XKR4: variants seen among roughly 807,000 people sequenced by gnomAD.
XKR4 encodes the protein XK-related protein 4.
XKR4 carries 12 observed loss-of-function variants against 53.9 expected under a neutral mutation model. The observed-to-expected ratio is 0.22, with a 90% CI of 0.14 to 0.36. XKR4 has a LOEUF of 0.36. Ranked by LOEUF, XKR4 falls within the 10% of genes least tolerant of loss-of-function variation. The pLI is 1.00. For synonymous variants in XKR4, 354 were observed against 362.4 expected (o/e 0.98, Z 0.26); for missense variants, 799 against 859.5 (o/e 0.93, Z 0.88).
chr8:55,533,117 A>T lies in XKR4; in HGVS notation c.*8890A>T, dbSNP rs752571402. On this transcript the variant is annotated 3_prime_UTR_variant, in exon 3 of 3. Coordinates refer to ENST00000327381, the MANE Select transcript of XKR4 (RefSeq NM_052898.2). ...TGAAAATATAGTTTGAGTTTCTATG[A>T]TTGTAATCAAAATTCCTATTTTGAT... 2.0e-5 allele frequency: 3 copies of T among 152,224 alleles called. No homozygotes were observed. Among genetic ancestry groups the T allele is most frequent in the Non-Finnish European group, 4.4e-5 (3 of 68,040 alleles). The allele number at this position is 152,224 out of a possible 1,614,324, so 9.4% of individuals were successfully genotyped here. A position where few individuals can be genotyped will look rare whatever the true frequency, so the allele number is the denominator to read the frequency against.
At chr8:55,124,768 C>G (rs1816439219) in intron 1 of XKR4, among the ~76,000 whole-genome samples, 2 of 151,870 alleles carry the variant, frequency 1.3e-5, no homozygotes, top group Non-Finnish European at 2.9e-5. Flanking sequence ...GGCTGTAGAG[C>G]AGTGGCATAA....
At chr8:55,384,061 G>A (rs1002786876) in intron 2 of XKR4, among the ~76,000 whole-genome samples, 3 of 152,158 alleles carry the variant, frequency 2.0e-5, no homozygotes, top group South Asian at 2.1e-4. Context: ...ATCATTTTTG[G>A]ACACACAGAA....
intron 2 of XKR4, among the ~76,000 whole-genome samples, chr8:55,364,529 A>G (rs1348153482): frequency 6.6e-6 from 1 of 152,224 alleles, no homozygotes; most frequent in Non-Finnish European, 1.5e-5. Flanking sequence ...TGAGCTATGC[A>G]TTCTGCCAGA....
At chr8:55,157,082 C>G (rs981843040) in intron 1 of XKR4, among the ~76,000 whole-genome samples, 10 of 152,204 alleles carry the variant, frequency 6.6e-5, no homozygotes, top group African/African-American at 2.4e-4. Flanking sequence ...TAACAACTTT[C>G]CATGACCCAG....
At chr8:55,447,675 C>T (rs1347125743) in intron 2 of XKR4, among the ~76,000 whole-genome samples, 5 of 152,136 alleles carry the variant, frequency 3.3e-5, no homozygotes, top group African/African-American at 1.2e-4. Context: ...GAAAAGAAAC[C>T]GCTAATCACC....
rs1372081168 is a variant in XKR4 at position 55,449,515 on chromosome 8, G to A, written c.1007-73766G>A. The A allele has an allele frequency of 3.5e-6, 5 of 1,443,664 alleles. No homozygotes were observed. The East Asian group carries it at 7.0e-5, about 20-fold the overall frequency. The allele number at this position is 1,443,664 out of a possible 1,614,324, so 89.4% of individuals were successfully genotyped here. On this transcript the variant is annotated intron_variant, in intron 2 of 2. Coordinates refer to ENST00000327381, the MANE Select transcript of XKR4 (RefSeq NM_052898.2). ...CCAGGCAAGGTCGGGAGGCTCAGGC[G>A]TCCGACAGTCAGCTCTGGATCCGGT... is the stretch of plus-strand genomic sequence containing the variant.
At chr8:55,315,360 G>A (rs1223180664) in intron 1 of XKR4, among the ~76,000 whole-genome samples, 6 of 152,164 alleles carry the variant, frequency 3.9e-5, no homozygotes. Context: ...CTTGGTCAGT[G>A]TCCGTGAGGA....
At chr8:55,361,410 T>C (rs1185623331) in intron 2 of XKR4, among the ~76,000 whole-genome samples, 1 of 152,140 alleles carries the variant, frequency 6.6e-6, no homozygotes, top group Non-Finnish European at 1.5e-5. Context: ...TGCTGCTCTC[T>C]ACCTGTTTAG....
intron 2 of XKR4, among the ~76,000 whole-genome samples, chr8:55,476,465 C>T (rs1805986360): frequency 5.3e-5 from 8 of 152,140 alleles, no homozygotes. Flanking sequence ...CTCCAATCTA[C>T]AGCTCCCAGC....
chr8:55,241,619 AC>A (rs1231519022), intron 1 of XKR4, among the ~76,000 whole-genome samples: 2 of 152,114 alleles, frequency 1.3e-5, no homozygotes. Flanking sequence ...TTGGCTTCAT[AC>A]CTTTTTCTTT....
At chr8:55,380,830 A>T (rs1293318901) in intron 2 of XKR4, among the ~76,000 whole-genome samples, 2 of 152,276 alleles carry the variant, frequency 1.3e-5, no homozygotes. Flanking sequence ...TAATTCACGC[A>T]GTTGACCTAT....
intron 1 of XKR4, among the ~76,000 whole-genome samples, chr8:55,339,154 G>T (rs1393472691): frequency 2.6e-5 from 4 of 152,174 alleles, no homozygotes; most frequent in African/African-American, 9.7e-5. Flanking sequence ...GACTGGAAAC[G>T]CGAGGCTGTT....
chr8:55,232,437 A>G (rs115435371), intron 1 of XKR4, among the ~76,000 whole-genome samples: 1,713 of 152,348 alleles, frequency 0.011, 39 homozygotes, highest in African/African-American at 0.039. Flanking sequence ...GCAAAGATGA[A>G]TCATACTCTA....
chr8:55,449,625 C>T, intron 2 of XKR4: 2 of 1,048,254 alleles, frequency 1.9e-6, no homozygotes, highest in Non-Finnish European at 3.0e-6. Flanking sequence ...AAGGCCTTCT[C>T]ATCCACGCTC....
At chr8:55,369,724 T>A (rs1456295863) in intron 2 of XKR4, among the ~76,000 whole-genome samples, 1 of 152,160 alleles carries the variant, frequency 6.6e-6, no homozygotes, top group Non-Finnish European at 1.5e-5. Context: ...TGTCCTTTTT[T>A]AATAATACAT....
chr8:55,419,242 C>T (rs554914722), intron 2 of XKR4, among the ~76,000 whole-genome samples: 180 of 152,070 alleles, frequency 1.2e-3, no homozygotes, highest in African/African-American at 4.0e-3. Context: ...AAAAATTAGC[C>T]GGAGTGGTGG....
chr8:55,372,086 T>C (rs1208077108), intron 2 of XKR4, among the ~76,000 whole-genome samples: 2 of 152,132 alleles, frequency 1.3e-5, no homozygotes, highest in Non-Finnish European at 1.5e-5. Flanking sequence ...TGGTGGACAG[T>C]GTAATTAGTC....
At chr8:55,403,236 C>G (rs918869616) in intron 2 of XKR4, among the ~76,000 whole-genome samples, 1 of 152,142 alleles carries the variant, frequency 6.6e-6, no homozygotes, top group African/African-American at 2.4e-5. Context: ...CTATGTACAT[C>G]TTTTTTAAAT....
At chr8:55,359,476 A>G (rs1803869354) in intron 2 of XKR4, among the ~76,000 whole-genome samples, 1 of 152,252 alleles carries the variant, frequency 6.6e-6, no homozygotes, top group South Asian at 2.1e-4. Flanking sequence ...ACCAGAATAC[A>G]AATGAAATTG....
Sources: allele counts gnomAD v4.1 joint callset (sites outside exome capture counted in the v4.1 genomes callset), GRCh38; gene constraint gnomAD v4.1.1; transcripts MANE v1.5; gene names NCBI Gene and HGNC (gene_info 2026-07-23, HGNC 2026-07-21).